Variants in ZP2 observed in about 807,000 individuals in gnomAD.
ZP2 encodes zona pellucida glycoprotein 2, also known as zona pellucida sperm-binding protein 2.
ZP2 carries 51 observed loss-of-function variants against 84.0 expected under a neutral mutation model. That is an observed-to-expected ratio of 0.61 (90% CI 0.49 to 0.77). The LOEUF (loss-of-function observed/expected upper bound fraction) is 0.77. ZP2 is among the 30% of genes least tolerant of loss of function. The probability of loss-of-function intolerance (pLI) is 0.00; values close to 1 mark genes in which losing one functional copy is unlikely to be tolerated. For synonymous variants in ZP2, 375 were observed against 330.9 expected (o/e 1.13, Z -1.45); for missense variants, 909 against 911.9 (o/e 1.00, Z 0.04).
In ZP2 at chr16:21,202,205, G is replaced by A. The variant is rs1447163193; in HGVS notation, c.1186C>T (p.Leu396=). Residue 396 remains leucine (L), a synonymous_variant, in exon 11 of 19, where the codon CTG becomes TTG. Transcript: ENST00000574091. ...QTQPALDLGT[L]RVGNSSCQPV... is the part of the protein sequence containing the mutation. ...TGGCAGGATGAGTTTCCCACCCTCA[G>A]AGTACCCAGGTCAAGAGCTGGTTGT... 3 of 1,589,036 alleles carry A rather than the reference G, an allele frequency of 1.9e-6. No homozygotes were observed. Among genetic ancestry groups the A allele is most frequent in the South Asian group, 1.2e-5 (1 of 86,118 alleles).
chr16:21,200,839 C>T (rs1025367335), intron 14 of ZP2, among the ~76,000 whole-genome samples: 1 of 152,172 alleles, frequency 6.6e-6, no homozygotes, highest in East Asian at 1.9e-4. Context: ...AGATGATCAA[C>T]ACCATAGTAG....
At position 21,211,392 on chromosome 16, in the gene ZP2, G is replaced by A. The variant is rs113112059; in HGVS notation, c.66C>T (p.Thr22=). The A allele has an allele frequency of 4.2e-5, 68 of 1,614,176 alleles. 5 individuals carry two copies. Among genetic ancestry groups the A allele is most frequent in the African/African-American group, 3.9e-4 (29 of 75,040 alleles). The change falls in exon 2 of 19, where the codon ACC becomes ACT. Residue 22 remains threonine (T), a synonymous_variant. Transcript: ENST00000574091. The part of the protein sequence containing the change: ...PSGWFNAGWS[T]YRSISLFFAL... The stretch of plus-strand genomic sequence containing the variant: ...CGAAGAAGAGAGAAATCGACCTGTA[G>A]GTGCTGGAAAGAGACAGGGAGATAG...
chr16:21,209,728 G>T lies in ZP2; in HGVS notation c.236-3C>A. 6.2e-7 allele frequency: 1 copy of T among 1,614,048 alleles called. No homozygotes were observed. The highest frequency in any genetic ancestry group is 2.2e-5 in the East Asian group (1 of 44,872). On this transcript the variant is annotated splice_region_variant and splice_polypyrimidine_tract_variant and intron_variant, in intron 3 of 18. Coordinates refer to ENST00000574091, the MANE Select transcript of ZP2 (RefSeq NM_001376232.1). ...CGGCATGTCGAGACCAAGAGGATCT[G>T]CCAAGGCCAGAGCAGGTTAGACAGG...
At position 21,209,683 on chromosome 16, in the gene ZP2, T is replaced by C. The variant is rs1294362985; in HGVS notation, c.278A>G (p.Asp93Gly). 11 of 1,614,026 alleles carry C rather than the reference T, an allele frequency of 6.8e-6. No individual in the cohort carries two copies. Among genetic ancestry groups the C allele is most frequent in the African/African-American group, 1.3e-5 (1 of 74,912 alleles). The change falls in exon 4 of 19, where the codon GAC (aspartate) becomes GGC (glycine). Residue 93 changes from aspartate (D) to glycine (G), a missense_variant. Physicochemically the swap from Asp to Gly is moderately conservative, Grantham distance 94. Coordinates refer to ENST00000574091, the MANE Select transcript of ZP2 (RefSeq NM_001376232.1). ...LDMPNCTYIL[D>G]PEKLTLRATY... ...AGCCCTCAGGGTGAGCTTTTCTGGG[T>C]CCAGGATGTAAGTGCAGTTCGGCAT...
intron 4 of ZP2, among the ~76,000 whole-genome samples, chr16:21,207,227 A>G (rs1002424478): frequency 6.6e-6 from 1 of 152,014 alleles, no homozygotes; most frequent in African/African-American, 2.4e-5. Context: ...TATTTCTCTT[A>G]TGTGTACCCT....
chr16:21,199,990 C>A, intron 14 of ZP2, 112 bp from the exon 15 acceptor site: 6 of 1,370,110 alleles, frequency 4.4e-6, no homozygotes, highest in Non-Finnish European at 5.0e-6. Context: ...GCCATATTTA[C>A]CTTCTACCAG....
chr16:21,211,429 T>C lies in ZP2; in HGVS notation c.63-34A>G, dbSNP rs369029260. 6 of 1,613,852 alleles carry C rather than the reference T, an allele frequency of 3.7e-6. No homozygotes were observed. The African/African-American group carries it at 8.0e-5, about 22-fold the overall frequency. ...AGACAGGGAGATAGTCAAGGAAGAA[T>C]GGACTTTAACAAACAAAGCTACCAT... On this transcript the variant is annotated intron_variant, in intron 1 of 18. Transcript: ENST00000574091.
chr16:21,204,412 G>GA lies in ZP2; in HGVS notation c.694-9dup, dbSNP rs748544749. 1 of 1,609,242 alleles carries GA rather than the reference G, an allele frequency of 6.2e-7. No homozygotes were observed. The highest frequency in any genetic ancestry group is 1.3e-5 in the African/African-American group (1 of 74,816). On this transcript the variant is annotated splice_polypyrimidine_tract_variant and intron_variant, in intron 7 of 18. Transcript: ENST00000574091. ...GAGATGACTGTTACCTTGCTAGGGG[G>GA]AGAAATAACAGTGATCTTCAAAAAC...
Position 21,204,144 on chromosome 16 carries a change from A to G in ZP2, c.858T>C (p.Ser286=), listed in dbSNP as rs1220440267. 3 of 1,614,062 alleles carry G rather than the reference A, an allele frequency of 1.9e-6. No individual in the cohort carries two copies. The highest frequency in any genetic ancestry group is 1.7e-5 in the Admixed American group (1 of 59,990). The change falls in exon 9 of 19, where the codon TCT becomes TCC. Residue 286 remains serine, a synonymous_variant. Coordinates refer to ENST00000574091, the MANE Select transcript of ZP2 (RefSeq NM_001376232.1). Reference sequence around the variant, plus strand: ...CAATGTTCTGGTTTTCAAAGCTCACAGACTTAAGCTTCCCAGGAAACTCTG... The same window carrying G: ...CAATGTTCTGGTTTTCAAAGCTCACGGACTTAAGCTTCCCAGGAAACTCTG... The part of the protein sequence containing the change: ...TIPEFPGKLK[S]VSFENQNIDV...
chr16:21,201,874 T>TA (rs2152855022), intron 12 of ZP2, 44 bp from the exon 13 acceptor site: 1 of 1,612,722 alleles, frequency 6.2e-7, no homozygotes, highest in Non-Finnish European at 8.5e-7. Context: ...AATTTCAGGT[T>TA]AAAAAATTGC....
intron 5 of ZP2, among the ~76,000 whole-genome samples, chr16:21,206,525 G>T (rs1484849558): frequency 6.6e-6 from 1 of 152,084 alleles, no homozygotes; most frequent in African/African-American, 2.4e-5. Context: ...CTGGAACATG[G>T]CATGTATTCC....
At position 21,197,666 on chromosome 16, in the gene ZP2, AG is replaced by A. The variant is rs111967720; in HGVS notation, c.2096-45del. On this transcript the variant is annotated intron_variant, in intron 18 of 18. Coordinates refer to ENST00000574091, the MANE Select transcript of ZP2 (RefSeq NM_001376232.1). ...TTTGAGTCTTAAGTATTTTTAAATA[AG>A]GGTAAGTGGAAGCCTTACATAAGGC... 5.6e-6 allele frequency: 9 copies of A among 1,613,478 alleles called. No individual in the cohort carries two copies. The African/African-American group carries it at 8.0e-5, about 14-fold the overall frequency.
chr16:21,198,117 G>A (rs866236121), intron 17 of ZP2, among the ~76,000 whole-genome samples: 4 of 142,198 alleles, frequency 2.8e-5, no homozygotes, highest in Admixed American at 7.2e-5. Context: ...TTTTGTGGCC[G>A]GGTGTGGTGG....
At chr16:21,199,186 T>TG (rs56189582) in intron 16 of ZP2, among the ~76,000 whole-genome samples, 43 of 151,460 alleles carry the variant, frequency 2.8e-4, no homozygotes, top group African/African-American at 9.0e-4. Context: ...CTGGGTATGT[T>TG]GGGGGGGTTC....
upstream of ZP2, chr16:21,214,159 G>T: frequency 1.2e-6 from 1 of 838,696 alleles, no homozygotes; most frequent in Non-Finnish European, 1.4e-6. Flanking sequence ...CAGGAGATGT[G>T]GTGAGAAAGC....
chr16:21,211,589 G>GA (rs1567218393), upstream of ZP2: 1 of 1,613,598 alleles, frequency 6.2e-7, no homozygotes, highest in East Asian at 2.2e-5. Flanking sequence ...AGGGTAGGCT[G>GA]CTCTGTGTTT....
chr16:21,205,985 C>A, intron 5 of ZP2: 1 of 586,672 alleles, frequency 1.7e-6, no homozygotes, highest in East Asian at 2.9e-5. Flanking sequence ...AAGCTCCTTT[C>A]CAGTTGTAAG....
At chr16:21,207,760 G>A (rs1233790107) in intron 4 of ZP2, among the ~76,000 whole-genome samples, 1 of 152,096 alleles carries the variant, frequency 6.6e-6, no homozygotes, top group Non-Finnish European at 1.5e-5. Context: ...TGAGACATAG[G>A]GTAGGGGATT....
intron 4 of ZP2, 55 bp from the exon 5 acceptor site, chr16:21,207,045 C>G (rs2093253268): frequency 1.2e-6 from 2 of 1,602,690 alleles, no homozygotes; most frequent in Admixed American, 1.7e-5. Context: ...CCATGGGATT[C>G]TAGAATACCA....
Sources: gnomAD v4.1 joint callset for allele counts (sites outside exome capture counted in the v4.1 genomes callset) on GRCh38, gnomAD v4.1.1 for gene constraint, MANE v1.5 for transcripts, NCBI Gene and HGNC (gene_info 2026-07-23, HGNC 2026-07-21) for gene names.